ZSCAN1: variants seen among roughly 807,000 people sequenced by gnomAD.
The protein encoded by ZSCAN1 is zinc finger and SCAN domain containing 1.
In ZSCAN1, 23 loss-of-function variants were observed where a neutral mutation model predicts 23.8. The ratio of observed to expected loss-of-function variants is 0.97; its 90% confidence interval spans 0.70 to 1.37. ZSCAN1 has a LOEUF of 1.37. ZSCAN1 is among the 40% of genes most tolerant of loss of function. ZSCAN1 has a pLI of 0.00. For missense variants in ZSCAN1, 575 were observed against 554.0 expected (o/e 1.04, Z -0.38); for synonymous variants, 236 against 232.3 (o/e 1.02, Z -0.15).
At chr19:58,041,708 C>A (rs2073790801) in intron 4 of ZSCAN1, among the ~76,000 whole-genome samples, 1 of 46,670 alleles carries the variant, frequency 2.1e-5, no homozygotes. Flanking sequence ...ATGGCAAGAC[C>A]CCATGTCTTA....
chr19:58,045,499 T>C lies in ZSCAN1; in HGVS notation c.465+4955T>C. The C allele has an allele frequency of 1.4e-6, 2 of 1,383,298 alleles. No homozygotes were observed. The highest frequency in any genetic ancestry group is 2.1e-6 in the Non-Finnish European group (2 of 969,656). 85.7% of individuals were successfully genotyped at this position (1,383,298 alleles called of 1,614,324 possible). A position where few individuals can be genotyped will look rare whatever the true frequency, so the allele number is the denominator to read the frequency against. ...GAGAGGCCCAGCAATGAGGAAATCA[T>C]GGGTTTTTCCAAATTATTTGAGGAT... is the stretch of plus-strand genomic sequence containing the variant. On this transcript the variant is annotated intron_variant, in intron 4 of 5. Coordinates refer to ENST00000282326, the MANE Select transcript of ZSCAN1 (RefSeq NM_182572.4). The surrounding 1 kb of genome is among the most constrained non-coding windows in gnomAD (Gnocchi z 4.3).
chr19:58,034,941 C>T (rs2073723862), intron 1 of ZSCAN1, among the ~76,000 whole-genome samples: 1 of 151,804 alleles, frequency 6.6e-6, no homozygotes, highest in Non-Finnish European at 1.5e-5. Context: ...CTGACTGGCG[C>T]AGTGAACACG....
rs1290099780 is a variant in ZSCAN1, at chr19:58,045,894, T to C, written c.465+5350T>C. On this transcript the variant is annotated intron_variant, in intron 4 of 5. Coordinates refer to ENST00000282326, the MANE Select transcript of ZSCAN1 (RefSeq NM_182572.4). The surrounding 1 kb of genome is among the most constrained non-coding windows in gnomAD (Gnocchi z 4.3). ...CCACACTGCAGACTCTCCCAGAGATTGTGGCAAAGGAAGCACAGGTGAAAG... is the reference window on the plus strand; with the variant it reads ...CCACACTGCAGACTCTCCCAGAGATCGTGGCAAAGGAAGCACAGGTGAAAG... 9 of 1,017,156 alleles carry C rather than the reference T, an allele frequency of 8.8e-6. No individual in the cohort carries two copies. The highest frequency in any genetic ancestry group is 1.1e-5 in the Non-Finnish European group (7 of 636,960). The allele number at this position is 1,017,156 out of a possible 1,614,324, so 63.0% of individuals were successfully genotyped here.
intron 3 of ZSCAN1, chr19:58,038,572 T>G (rs938894309): frequency 2.5e-5 from 13 of 521,170 alleles, no homozygotes; most frequent in Non-Finnish European, 4.4e-5. Context: ...CTAGAGATCC[T>G]TAAGCCTTCA....
In ZSCAN1 at chr19:58,053,748, C is replaced by T. The variant is rs779912172; in HGVS notation, c.924C>T (p.Ile308=). The change falls in exon 6 of 6, where the codon ATC becomes ATT. Residue 308 remains isoleucine (I), a synonymous_variant. Transcript: ENST00000282326. The surrounding 1 kb of genome is among the most constrained non-coding windows in gnomAD (Gnocchi z 5.8). ...GMVFTWVTHF[I]EHQKTHREEG... ...TCTTCACCTGGGTCACCCACTTCAT[C>T]GAGCACCAGAAGACCCATCGCGAGG... is the stretch of plus-strand genomic sequence containing the variant. 1.4e-5 allele frequency: 23 copies of T among 1,614,098 alleles called. No individual in the cohort carries two copies. Among genetic ancestry groups the T allele is most frequent in the East Asian group, 4.5e-5 (2 of 44,852 alleles).
At chr19:58,046,763 G>C (rs1436735506) in intron 4 of ZSCAN1, 2 of 763,274 alleles carry the variant, frequency 2.6e-6, no homozygotes, top group East Asian at 4.9e-5. Context: ...CAGAGGTGAA[G>C]AGCTAGAGCC....
intron 4 of ZSCAN1, chr19:58,046,826 G>T: frequency 1.4e-6 from 1 of 714,698 alleles, no homozygotes; most frequent in Non-Finnish European, 2.6e-6. Flanking sequence ...TGAGGGCTGT[G>T]AGAGCGATTT....
chr19:58,034,373 G>A (rs1029028165), intron 1 of ZSCAN1, among the ~76,000 whole-genome samples: 11 of 151,046 alleles, frequency 7.3e-5, no homozygotes, highest in Non-Finnish European at 1.5e-4. Flanking sequence ...CGTAGGGGAG[G>A]GAAGGGGAAG....
intron 4 of ZSCAN1, 24 bp from the exon 5 acceptor site, chr19:58,052,466 A>G: frequency 6.2e-7 from 1 of 1,613,700 alleles, no homozygotes; most frequent in South Asian, 1.1e-5. Context: ...CAGCTGCCGA[A>G]CAGTCCTGTG....
At chr19:58,046,161 G>C (rs1293488960) in intron 4 of ZSCAN1, 1 of 732,928 alleles carries the variant, frequency 1.4e-6, no homozygotes, top group Non-Finnish European at 2.5e-6. Context: ...CCGTGCTAGA[G>C]GGCTTGAAGG....
chr19:58,041,298 C>T (rs944535987), intron 4 of ZSCAN1, among the ~76,000 whole-genome samples: 1 of 152,220 alleles, frequency 6.6e-6, no homozygotes, highest in Non-Finnish European at 1.5e-5. Context: ...ATGTGGCTGT[C>T]AGGCCGGGGC....
chr19:58,038,046 G>T lies in ZSCAN1; in HGVS notation c.210G>T (p.Glu70Asp). 1.2e-6 allele frequency: 2 copies of T among 1,611,902 alleles called. No homozygotes were observed. Among genetic ancestry groups the T allele is most frequent in the Non-Finnish European group, 1.7e-6 (2 of 1,179,764 alleles). Reference protein sequence around the residue: ...WTLCRQWLRPEARSKEQMLEL... With the variant: ...WTLCRQWLRPDARSKEQMLEL... ...TGTGCCGCCAGTGGCTGAGGCCCGA[G>T]GCGCGCTCCAAGGAGCAGATGCTGG... The change falls in exon 3 of 6, where the codon GAG (glutamate) becomes GAT (aspartate). Residue 70 changes from glutamate to aspartate, a missense_variant. Transcript: ENST00000282326.
intron 2 of ZSCAN1, among the ~76,000 whole-genome samples, chr19:58,037,121 T>C (rs578211859): frequency 1.0e-3 from 154 of 152,164 alleles, no homozygotes; most frequent in African/African-American, 3.5e-3. Context: ...GATAACACCA[T>C]GGGTAGACCT....
rs2073778619 is a variant in ZSCAN1 at position 58,040,369 on chromosome 19, G to A, written c.371-81G>A. ...GGTGCTGCAGGGATGTTCGGGGAAAGTCTGCCCTCCCCAGAAGGCCTGGAG... is the reference window on the plus strand; with the variant it reads ...GGTGCTGCAGGGATGTTCGGGGAAAATCTGCCCTCCCCAGAAGGCCTGGAG... On this transcript the variant is annotated intron_variant, in intron 3 of 5. Coordinates refer to ENST00000282326, the MANE Select transcript of ZSCAN1 (RefSeq NM_182572.4). This position sits in a 1 kb window ranked among gnomAD's most constrained non-coding sequence, Gnocchi z 5.8. 4 of 1,481,932 alleles carry A rather than the reference G, an allele frequency of 2.7e-6. No individual in the cohort carries two copies. Among genetic ancestry groups the A allele is most frequent in the Non-Finnish European group, 3.8e-6 (4 of 1,066,588 alleles). 91.8% of individuals were successfully genotyped at this position (1,481,932 alleles called of 1,614,324 possible). A position where few individuals can be genotyped will look rare whatever the true frequency, so the allele number is the denominator to read the frequency against.
chr19:58,037,905 C>T lies in ZSCAN1; in HGVS notation c.69C>T (p.Asp23=), dbSNP rs751721915. 1.2e-5 allele frequency: 19 copies of T among 1,594,720 alleles called. No homozygotes were observed. Among genetic ancestry groups the T allele is most frequent in the East Asian group, 9.0e-5 (4 of 44,616 alleles). The stretch of plus-strand genomic sequence containing the variant: ...AGACCCCAACCCCGAGTGAGCAGGA[C>T]GCAGACCCTGGGCCAGCAAGCCCCA... ...RPQTPTPSEQ[D]ADPGPASPRD... The change falls in exon 3 of 6, where the codon GAC becomes GAT. Residue 23 remains aspartate (D), a synonymous_variant. Transcript: ENST00000282326.
At chr19:58,044,567 G>A in intron 4 of ZSCAN1, 1 of 670,120 alleles carries the variant, frequency 1.5e-6, no homozygotes, top group Admixed American at 3.0e-5. Flanking sequence ...GGAGGCCCGA[G>A]CGGCCGCCAC....
At chr19:58,046,633 G>T in intron 4 of ZSCAN1, 1 of 855,938 alleles carries the variant, frequency 1.2e-6, no homozygotes, top group Non-Finnish European at 2.0e-6. Flanking sequence ...CCTCATCAAG[G>T]TGATTGAGCT....
downstream of ZSCAN1, among the ~76,000 whole-genome samples, chr19:58,056,343 C>T (rs1185510645): frequency 6.6e-6 from 1 of 152,260 alleles, no homozygotes; most frequent in Non-Finnish European, 1.5e-5. Flanking sequence ...CACACTGCCT[C>T]TCACCCTGGC....
At chr19:58,038,282 C>G (rs1451365588) in intron 3 of ZSCAN1, 76 bp downstream of exon 3, 2 of 1,525,240 alleles carry the variant, frequency 1.3e-6, no homozygotes, top group East Asian at 2.4e-5. Context: ...GCCCTCCTTC[C>G]CGCCCACATC....
Sources: gnomAD v4.1 joint callset for allele counts (sites outside exome capture counted in the v4.1 genomes callset) on GRCh38, gnomAD v4.1.1 for gene constraint, Gnocchi (gnomAD v3.1) non-coding constraint, MANE v1.5 for transcripts, NCBI Gene and HGNC (gene_info 2026-07-23, HGNC 2026-07-21) for gene names.